FAM204A: variants seen among roughly 807,000 people sequenced by gnomAD.
FAM204A encodes the protein protein FAM204A.
Under a neutral mutation model 35.4 loss-of-function variants are expected in FAM204A, and 16 were observed. The ratio of observed to expected loss-of-function variants is 0.45; its 90% confidence interval spans 0.31 to 0.69. FAM204A has a LOEUF of 0.69. Among genes scored for constraint, FAM204A ranks in the 30% least tolerant of loss-of-function variants. FAM204A has a pLI of 0.07. For missense variants in FAM204A, 240 were observed against 265.7 expected (o/e 0.90, Z 0.67); for synonymous variants, 76 against 86.9 (o/e 0.88, Z 0.70).
chr10:118,320,135 T>C (rs1266372292), intron 7 of FAM204A, among the ~76,000 whole-genome samples: 1 of 151,858 alleles, frequency 6.6e-6, no homozygotes, highest in Non-Finnish European at 1.5e-5. Context: ...TAGAGAGAAA[T>C]CCCCTTTTAT....
intron 6 of FAM204A, among the ~76,000 whole-genome samples, chr10:118,333,828 A>C (rs150333871): frequency 1.5e-4 from 23 of 152,276 alleles, no homozygotes; most frequent in Non-Finnish European, 2.9e-4. Flanking sequence ...TAATGTATGC[A>C]CCCTCAATAA....
chr10:118,339,913 C>CTTGT (rs58504765), intron 2 of FAM204A, among the ~76,000 whole-genome samples: 4 of 152,020 alleles, frequency 2.6e-5, no homozygotes, highest in East Asian at 1.9e-4. Context: ...ACTAGGGTTT[C>CTTGT]TTGTTTGTTT....
intron 5 of FAM204A, 70 bp downstream of exon 5, chr10:118,335,326 T>C: frequency 6.4e-7 from 1 of 1,560,406 alleles, no homozygotes; most frequent in Non-Finnish European, 8.7e-7. Flanking sequence ...GTTTGATTAC[T>C]ATCAGAAACA....
At position 118,310,828 on chromosome 10, in the gene FAM204A, C is replaced by T; in HGVS notation, c.*29G>A. The T allele has an allele frequency of 1.3e-6, 2 of 1,566,530 alleles. No individual in the cohort carries two copies. The highest frequency in any genetic ancestry group is 4.5e-5 in the East Asian group (2 of 44,126). On this transcript the variant is annotated 3_prime_UTR_variant, in exon 9 of 9. Transcript: ENST00000369183. ...TTCTCAGTAAATTGAGCATTTGAGT[C>T]TACAAATGTCTTGAAGCACTCTGGC...
intron 1 of FAM204A, 155 bp downstream of exon 1, chr10:118,342,115 G>T (rs1021236612): frequency 2.0e-5 from 3 of 152,362 alleles, no homozygotes; most frequent in Non-Finnish European, 2.9e-5. Context: ...GCGGCCCCGG[G>T]CCGGGGGCTT....
intron 6 of FAM204A, among the ~76,000 whole-genome samples, chr10:118,327,881 T>C (rs1846223558): frequency 6.6e-6 from 1 of 152,222 alleles, no homozygotes; most frequent in Admixed American, 6.5e-5. Flanking sequence ...GAGGATTGTT[T>C]GAGCCCAGGA....
At chr10:118,337,261 A>G (rs1682771619) in intron 2 of FAM204A, 1 of 984,698 alleles carries the variant, frequency 1.0e-6, no homozygotes, top group South Asian at 4.7e-5. Flanking sequence ...CTATTTTAGC[A>G]CATATATTGA....
rs760823049 is a variant in FAM204A at position 118,307,785 on chromosome 10, G to C, written c.*3072C>G. 6.6e-6 allele frequency: 1 copy of C among 152,146 alleles called. No individual in the cohort carries two copies. The highest frequency in any genetic ancestry group is 1.5e-5 in the Non-Finnish European group (1 of 68,024). 9.4% of individuals were successfully genotyped at this position (152,146 alleles called of 1,614,324 possible). A position where few individuals can be genotyped will look rare whatever the true frequency, so the allele number is the denominator to read the frequency against. ...ACAAAAGGTATAAAGAAAATCAGAAGATTTTAATGTGAGTTCTAAGTTGTG... is the reference window on the plus strand; with the variant it reads ...ACAAAAGGTATAAAGAAAATCAGAACATTTTAATGTGAGTTCTAAGTTGTG... On this transcript the variant is annotated 3_prime_UTR_variant, in exon 9 of 9. Coordinates refer to ENST00000369183, the MANE Select transcript of FAM204A (RefSeq NM_022063.3).
chr10:118,338,385 A>G (rs562912650), intron 2 of FAM204A, among the ~76,000 whole-genome samples: 2 of 152,390 alleles, frequency 1.3e-5, no homozygotes, highest in South Asian at 4.1e-4. Flanking sequence ...GGAAGCAGTA[A>G]TAAGTTCCAG....
intron 7 of FAM204A, among the ~76,000 whole-genome samples, chr10:118,317,129 C>T (rs969894684): frequency 6.6e-6 from 1 of 151,982 alleles, no homozygotes; most frequent in Non-Finnish European, 1.5e-5. Flanking sequence ...CAATAATGTG[C>T]CATCAACAGT....
At chr10:118,326,471 A>C in intron 6 of FAM204A, 1 of 468,024 alleles carries the variant, frequency 2.1e-6, no homozygotes, top group Non-Finnish European at 3.7e-6. Context: ...TAAGACGCAA[A>C]TCCAGATTTT....
At chr10:118,332,173 G>GAAAA (rs59564428) in intron 6 of FAM204A, among the ~76,000 whole-genome samples, 4 of 54,162 alleles carry the variant, frequency 7.4e-5, no homozygotes, top group South Asian at 1.4e-3. Flanking sequence ...CTCTGTTTCA[G>GAAAA]AAAAAAAAAA....
chr10:118,339,667 T>C (rs1163848429), intron 2 of FAM204A, among the ~76,000 whole-genome samples: 2 of 152,232 alleles, frequency 1.3e-5, no homozygotes, highest in African/African-American at 4.8e-5. Context: ...TAATTTTCAA[T>C]TTAATCATTT....
chr10:118,315,939 T>C (rs1029219458), intron 7 of FAM204A, among the ~76,000 whole-genome samples: 1 of 152,136 alleles, frequency 6.6e-6, no homozygotes, highest in African/African-American at 2.4e-5. Context: ...ATTTTGAGGC[T>C]TGAACAAAAT....
chr10:118,328,995 C>A (rs1846245794), intron 6 of FAM204A, among the ~76,000 whole-genome samples: 1 of 152,178 alleles, frequency 6.6e-6, no homozygotes, highest in South Asian at 2.1e-4. Flanking sequence ...TGTACCAATA[C>A]CTACATCTCC....
At chr10:118,315,685 A>T (rs940416250) in intron 7 of FAM204A, among the ~76,000 whole-genome samples, 5 of 152,158 alleles carry the variant, frequency 3.3e-5, no homozygotes, top group African/African-American at 1.2e-4. Flanking sequence ...GCTCAACATT[A>T]ATGTCAAGCA....
rs924831139 is a variant in FAM204A, at chr10:118,301,147, G to C, written c.*9710C>G. The C allele has an allele frequency of 3.9e-5, 6 of 152,184 alleles. No individual in the cohort carries two copies. Among genetic ancestry groups the C allele is most frequent in the Non-Finnish European group, 7.3e-5 (5 of 68,028 alleles). 9.4% of individuals were successfully genotyped at this position (152,184 alleles called of 1,614,324 possible). On this transcript the variant is annotated 3_prime_UTR_variant, in exon 9 of 9. Transcript: ENST00000369183. ...TTGGCTCAACTGGGAACTCTTTGAA[G>C]GCTAGGGCCATCAATTACATTTTTG... is the stretch of plus-strand genomic sequence containing the variant.
chr10:118,316,580 CTA>C (rs1056744950), intron 7 of FAM204A, among the ~76,000 whole-genome samples: 2 of 152,114 alleles, frequency 1.3e-5, no homozygotes, highest in Non-Finnish European at 2.9e-5. Context: ...CTACATGTAT[CTA>C]TATATATGTA....
In FAM204A at chr10:118,337,052, G is replaced by A. The variant is rs146495061; in HGVS notation, c.-8-629C>T. On this transcript the variant is annotated intron_variant, in intron 2 of 8. Coordinates refer to ENST00000369183, the MANE Select transcript of FAM204A (RefSeq NM_022063.3). Reference sequence around the variant, plus strand: ...ATAATCCTAACAATTTAACAAAAATGTACAGCTTTTTAAAGTAACAATACT... The same window carrying A: ...ATAATCCTAACAATTTAACAAAAATATACAGCTTTTTAAAGTAACAATACT... 5.9e-5 allele frequency among the ~76,000 whole-genome samples: 9 copies of A among 152,214 alleles called. No individual in the cohort carries two copies. The East Asian group carries it at 1.7e-3, about 29-fold the overall frequency.
Sources: allele counts gnomAD v4.1 joint callset (sites outside exome capture counted in the v4.1 genomes callset), GRCh38; gene constraint gnomAD v4.1.1; transcripts MANE v1.5; gene names NCBI Gene and HGNC (gene_info 2026-07-23, HGNC 2026-07-21).